CAGE1: variants seen among roughly 807,000 people sequenced by gnomAD.
CAGE1 encodes cancer-associated gene 1 protein.
CAGE1 carries 66 observed loss-of-function variants against 94.9 expected under a neutral mutation model. The ratio of observed to expected loss-of-function variants is 0.70; its 90% CI spans 0.57 to 0.85. The LOEUF is 0.85. Ranked by LOEUF, CAGE1 falls within the 40% of genes least tolerant of loss-of-function variation. The probability of loss-of-function intolerance (pLI) is 0.00; values close to 1 mark genes in which losing one functional copy is unlikely to be tolerated. For synonymous variants in CAGE1, 319 were observed against 321.0 expected (o/e 0.99, Z 0.07); for missense variants, 865 against 950.4 (o/e 0.91, Z 1.18).
chr6:7,344,404 G>A (rs1054654068), intron 11 of CAGE1, among the ~76,000 whole-genome samples: 86 of 152,362 alleles, frequency 5.6e-4, no homozygotes, highest in African/African-American at 2.0e-3. Context: ...AGCAGTGCCA[G>A]CCCACCGGCG....
rs1217762646 is a variant in CAGE1 at position 7,339,951 on chromosome 6, G to C, written c.2370-5861C>G. On this transcript the variant is annotated intron_variant, in intron 11 of 13. Transcript: ENST00000502583. This position sits in a 1 kb window ranked among gnomAD's most constrained non-coding sequence, Gnocchi z 4.7. ...TAGATACCCAGTAGTGGGATTTCTG[G>C]ATCAAATGGTAGTTCTACTTTTAGT... Among the ~76,000 whole-genome samples, 1 of 152,196 alleles carries C rather than the reference G, an allele frequency of 6.6e-6. No homozygotes were observed. The highest frequency in any genetic ancestry group is 1.5e-5 in the Non-Finnish European group (1 of 68,036).
At chr6:7,329,474 C>T (rs1023570052) in intron 13 of CAGE1, among the ~76,000 whole-genome samples, 30 of 152,130 alleles carry the variant, frequency 2.0e-4, no homozygotes, top group East Asian at 3.9e-4. Flanking sequence ...CTTTATGCAA[C>T]GGAGGGGCAT....
At chr6:7,344,334 C>T (rs941677637) in intron 11 of CAGE1, among the ~76,000 whole-genome samples, 3 of 152,232 alleles carry the variant, frequency 2.0e-5, no homozygotes, top group African/African-American at 7.2e-5. Context: ...CCCTGCCAGC[C>T]CGGGCAATGA....
intron 11 of CAGE1, among the ~76,000 whole-genome samples, chr6:7,345,766 A>C (rs1054911825): frequency 6.6e-6 from 1 of 151,624 alleles, no homozygotes; most frequent in Non-Finnish European, 1.5e-5. Context: ...TACTAAAAAT[A>C]CAAAAAAAAT....
chr6:7,326,669 A>G lies in CAGE1; in HGVS notation c.*189T>C. On this transcript the variant is annotated 3_prime_UTR_variant, in exon 14 of 14. Coordinates refer to ENST00000502583, the MANE Select transcript of CAGE1 (RefSeq NM_001170692.2). Reference sequence around the variant, plus strand: ...CACTGTATTCTTCTGTTTATGTTAAATAGAATATATTTGATTATTCACAGG... The same window carrying G: ...CACTGTATTCTTCTGTTTATGTTAAGTAGAATATATTTGATTATTCACAGG... 1 of 580,504 alleles carries G rather than the reference A, an allele frequency of 1.7e-6. No individual in the cohort carries two copies. The highest frequency in any genetic ancestry group is 3.1e-6 in the Non-Finnish European group (1 of 326,900). 36.0% of individuals were successfully genotyped at this position (580,504 alleles called of 1,614,324 possible).
intron 11 of CAGE1, among the ~76,000 whole-genome samples, chr6:7,337,501 T>A (rs1759001544): frequency 6.6e-6 from 1 of 152,202 alleles, no homozygotes; most frequent in South Asian, 2.1e-4. Context: ...GTTTTAGCCT[T>A]TATCTTTGGG....
At chr6:7,333,102 C>T (rs556962672) in intron 12 of CAGE1, among the ~76,000 whole-genome samples, 2 of 152,108 alleles carry the variant, frequency 1.3e-5, no homozygotes, top group Non-Finnish European at 2.9e-5. Flanking sequence ...AGGTGCCCAC[C>T]ACCATGCCTG....
chr6:7,341,528 G>T (rs1759174542), intron 11 of CAGE1: 1 of 1,230,320 alleles, frequency 8.1e-7, no homozygotes, highest in Non-Finnish European at 1.2e-6. Flanking sequence ...AGATTCTGAG[G>T]GTTGATTAGC....
chr6:7,377,952 G>A (rs1434756472), intron 4 of CAGE1, among the ~76,000 whole-genome samples: 17 of 152,136 alleles, frequency 1.1e-4, no homozygotes. Context: ...CACTTTAGTA[G>A]AAAAAGTAGT....
chr6:7,363,071 C>T lies in CAGE1; in HGVS notation c.2193+2397G>A, dbSNP rs139475782. On this transcript the variant is annotated intron_variant, in intron 9 of 13. Transcript: ENST00000502583. ...ATCGCCTGAGCTCAGGAGTTCGTGACTAGCCTGGCCAACATGGAAAAACCC... is the reference window on the plus strand; with the variant it reads ...ATCGCCTGAGCTCAGGAGTTCGTGATTAGCCTGGCCAACATGGAAAAACCC... 9.6e-3 allele frequency among the ~76,000 whole-genome samples: 1,455 copies of T among 152,266 alleles called. 18 individuals are homozygous for T. Among genetic ancestry groups the T allele is most frequent in the Non-Finnish European group, 0.013 (869 of 68,016 alleles).
At chr6:7,328,926 A>ATTTT (rs1324230400) in intron 13 of CAGE1, among the ~76,000 whole-genome samples, 8 of 85,470 alleles carry the variant, frequency 9.4e-5, no homozygotes, top group East Asian at 8.2e-4. Context: ...GTGTATATAT[A>ATTTT]TATATATATT....
At position 7,388,143 on chromosome 6, in the gene CAGE1, C is replaced by A. The variant is rs376012023; in HGVS notation, c.-23-947G>T. Among the ~76,000 whole-genome samples the A allele has an allele frequency of 4.6e-5, 7 of 152,152 alleles. No homozygotes were observed. In the East Asian group the frequency reaches 1.4e-3, roughly 29 times the overall value. The stretch of plus-strand genomic sequence containing the variant: ...ACTTCCTCAGGCCTGTCCAGAGCTC[C>A]AGAGCTGAGAGTGGAAAGGATGGCC... On this transcript the variant is annotated intron_variant, in intron 1 of 13. Transcript: ENST00000502583.
At position 7,373,298 on chromosome 6, in the gene CAGE1, A is replaced by G; in HGVS notation, c.1521T>C (p.Ser507=). 6.2e-7 allele frequency: 1 copy of G among 1,605,976 alleles called. No homozygotes were observed. Among genetic ancestry groups the G allele is most frequent in the Non-Finnish European group, 8.5e-7 (1 of 1,175,862 alleles). ...ENLEERQKLK[S]RLEKLLTQVR... ...CTTGAGTGAGCAATTTCTCAAGTCT[A>G]GATTTCAGTTTCTGTCTTTCTTCCA... The change falls in exon 5 of 14, where the codon TCT becomes TCC. Residue 507 remains serine, a synonymous_variant. Coordinates refer to ENST00000502583, the MANE Select transcript of CAGE1 (RefSeq NM_001170692.2).
rs147468036 is a variant in CAGE1 at position 7,346,055 on chromosome 6, T to C, written c.2369+8986A>G. On this transcript the variant is annotated intron_variant, in intron 11 of 13. Coordinates refer to ENST00000502583, the MANE Select transcript of CAGE1 (RefSeq NM_001170692.2). ...ATATTGTTCTGATGATGTGTGTATT[T>C]GATAATTTTTTTTAAATTTTAGGTG... Among the ~76,000 whole-genome samples the C allele has an allele frequency of 9.8e-3, 1,485 of 152,300 alleles. 8 individuals are homozygous for C. Among genetic ancestry groups the C allele is most frequent in the Non-Finnish European group, 0.015 (1,037 of 68,036 alleles).
chr6:7,345,953 T>C (rs143107214), intron 11 of CAGE1, among the ~76,000 whole-genome samples: 206 of 152,218 alleles, frequency 1.4e-3, no homozygotes, highest in Middle Eastern at 6.8e-3. Flanking sequence ...GTATAGCCTA[T>C]GAATGCATTT....
intron 11 of CAGE1, among the ~76,000 whole-genome samples, chr6:7,344,336 G>A (rs563158865): frequency 1.2e-3 from 179 of 152,346 alleles, no homozygotes; most frequent in South Asian, 0.011. Context: ...CTGCCAGCCC[G>A]GGCAATGAGG....
chr6:7,328,931 T>TG (rs1758637416), intron 13 of CAGE1, among the ~76,000 whole-genome samples: 2 of 108,088 alleles, frequency 1.9e-5, no homozygotes, highest in East Asian at 6.2e-4. Context: ...TATATATATA[T>TG]ATATTTTTTT....
At chr6:7,338,990 G>T (rs1759069656) in intron 11 of CAGE1, 2 of 1,607,612 alleles carry the variant, frequency 1.2e-6, no homozygotes, top group Non-Finnish European at 1.7e-6. Context: ...TACCAGTTGG[G>T]TCCCAGGGCA....
At position 7,373,256 on chromosome 6, in the gene CAGE1, A is replaced by C; in HGVS notation, c.1563T>G (p.Phe521Leu). The C allele has an allele frequency of 6.2e-7, 1 of 1,603,614 alleles. No homozygotes were observed. The highest frequency in any genetic ancestry group is 8.5e-7 in the Non-Finnish European group (1 of 1,174,106). ...TCTTCGTTCTTTCATTTTCAGACATAAATTGCAAATTTCTAACTTGAGTGA... is the reference window on the plus strand; with the variant it reads ...TCTTCGTTCTTTCATTTTCAGACATCAATTGCAAATTTCTAACTTGAGTGA... ...KLLTQVRNLQ[F>L]MSENERTKNI... is the part of the protein sequence containing the mutation. Residue 521 changes from phenylalanine to leucine, a missense_variant, in exon 5 of 14, where the codon TTT (phenylalanine) becomes TTG (leucine). By Grantham distance (22) the Phe-to-Leu change is conservative (BLOSUM62 0). Coordinates refer to ENST00000502583, the MANE Select transcript of CAGE1 (RefSeq NM_001170692.2).
Sources: gnomAD v4.1 joint callset for allele counts (sites outside exome capture counted in the v4.1 genomes callset) on GRCh38, gnomAD v4.1.1 for gene constraint, Gnocchi (gnomAD v3.1) non-coding constraint, MANE v1.5 for transcripts, NCBI Gene and HGNC (gene_info 2026-07-23, HGNC 2026-07-21) for gene names.